Variants in FAM227B observed in about 807,000 individuals in gnomAD.
FAM227B encodes protein FAM227B.
FAM227B carries 88 observed loss-of-function variants against 73.8 expected under a neutral mutation model. The observed-to-expected ratio is 1.19, with a 90% CI of 1.00 to 1.42. The LOEUF is 1.42. FAM227B is among the 40% of genes most tolerant of loss of function. FAM227B has a pLI of 0.00. For synonymous variants in FAM227B, 210 were observed against 190.5 expected, an observed-to-expected ratio of 1.10 and a Z score of -0.84; for missense variants, 632 against 590.9, an observed-to-expected ratio of 1.07 and a Z score of -0.72.
At chr15:49,390,083 G>C (rs1377690187) in intron 11 of FAM227B, among the ~76,000 whole-genome samples, 3 of 152,064 alleles carry the variant, frequency 2.0e-5, no homozygotes, top group African/African-American at 7.2e-5. Context: ...GTTCATTGAA[G>C]ATAAGTATGA....
intron 3 of FAM227B, among the ~76,000 whole-genome samples, chr15:49,609,740 A>C (rs1413990068): frequency 6.6e-6 from 1 of 151,964 alleles, no homozygotes; most frequent in Non-Finnish European, 1.5e-5. Context: ...TTATTCCTGA[A>C]TATTTTCAAA....
At chr15:49,402,070 A>G (rs915988950) in intron 11 of FAM227B, among the ~76,000 whole-genome samples, 2 of 152,180 alleles carry the variant, frequency 1.3e-5, no homozygotes, top group African/African-American at 2.4e-5. Context: ...CACTGATTAA[A>G]TCATAGTCTC....
intron 11 of FAM227B, chr15:49,423,029 T>G: frequency 4.2e-6 from 1 of 235,630 alleles, no homozygotes; most frequent in Non-Finnish European, 8.4e-6. Flanking sequence ...TCTAACTGCT[T>G]CAGAACCAGA....
intron 10 of FAM227B, among the ~76,000 whole-genome samples, chr15:49,511,029 G>C (rs1481442482): frequency 2.6e-5 from 4 of 151,402 alleles, no homozygotes; most frequent in African/African-American, 9.7e-5. Context: ...GTGGCATACA[G>C]CAATTTTTAT....
chr15:49,491,782 TAAAC>T (rs1335942642), intron 11 of FAM227B, among the ~76,000 whole-genome samples: 2 of 151,896 alleles, frequency 1.3e-5, no homozygotes, highest in East Asian at 3.9e-4. Flanking sequence ...CTACTTCAGT[TAAAC>T]AAGCATATAT....
chr15:49,406,613 A>G (rs895777564), intron 11 of FAM227B, among the ~76,000 whole-genome samples: 9 of 151,932 alleles, frequency 5.9e-5, no homozygotes, highest in African/African-American at 2.2e-4. Flanking sequence ...AGTGCCGGCC[A>G]AGGCTCCAAC....
intron 5 of FAM227B, among the ~76,000 whole-genome samples, chr15:49,586,957 G>C (rs1346828647): frequency 6.6e-6 from 1 of 152,040 alleles, no homozygotes; most frequent in Non-Finnish European, 1.5e-5. Context: ...CAGCCACTGT[G>C]GGAAGCAGTT....
chr15:49,495,852 G>A (rs2057552890), intron 11 of FAM227B, among the ~76,000 whole-genome samples: 3 of 151,898 alleles, frequency 2.0e-5, no homozygotes, highest in African/African-American at 7.3e-5. Flanking sequence ...GAGAATCCCT[G>A]TCTCTACTAA....
chr15:49,581,597 G>A (rs750855733), intron 5 of FAM227B, among the ~76,000 whole-genome samples: 6 of 152,098 alleles, frequency 3.9e-5, no homozygotes, highest in African/African-American at 2.4e-5. Flanking sequence ...GATTACAGGC[G>A]TGAGCCACCG....
chr15:49,503,633 C>T lies in FAM227B; in HGVS notation c.1012+4578G>A, dbSNP rs558609109. 1.2e-3 allele frequency among the ~76,000 whole-genome samples: 189 copies of T among 152,236 alleles called. 1 individual carries two copies. The highest frequency in any genetic ancestry group is 6.0e-3 in the South Asian group (29 of 4,814). ...GGGCAAAGGATATGAACAGACACTT[C>T]GCAAAAGAAGACATTTATGCAGCCA... On this transcript the variant is annotated intron_variant, in intron 11 of 15. Coordinates refer to ENST00000299338, the MANE Select transcript of FAM227B (RefSeq NM_152647.3).
chr15:49,539,869 C>T (rs193074958), intron 10 of FAM227B, among the ~76,000 whole-genome samples: 2 of 152,308 alleles, frequency 1.3e-5, no homozygotes, highest in African/African-American at 4.8e-5. Context: ...GTCCCAGGTG[C>T]AGGCTAGCTT....
At chr15:49,331,973 A>C in intron 14 of FAM227B, 124 bp from the exon 15 acceptor site, 1 of 659,142 alleles carries the variant, frequency 1.5e-6, no homozygotes, top group Non-Finnish European at 2.7e-6. Context: ...TACATATATT[A>C]ATTCAATTAC....
intron 9 of FAM227B, among the ~76,000 whole-genome samples, chr15:49,563,109 C>T (rs1259460284): frequency 6.6e-6 from 1 of 152,068 alleles, no homozygotes; most frequent in African/African-American, 2.4e-5. Context: ...AAGACTCTGC[C>T]AAAAGGTCTG....
At chr15:49,476,107 C>G (rs1369206302) in intron 11 of FAM227B, among the ~76,000 whole-genome samples, 1 of 151,964 alleles carries the variant, frequency 6.6e-6, no homozygotes, top group African/African-American at 2.4e-5. Context: ...CTACCTATGT[C>G]AACTCTATTC....
At chr15:49,531,057 C>T (rs921908407) in intron 10 of FAM227B, among the ~76,000 whole-genome samples, 2 of 151,426 alleles carry the variant, frequency 1.3e-5, no homozygotes, top group African/African-American at 4.8e-5. Flanking sequence ...GGATAATACA[C>T]AGGCCACAGT....
chr15:49,442,248 C>T (rs1319653764), intron 11 of FAM227B, among the ~76,000 whole-genome samples: 1 of 151,506 alleles, frequency 6.6e-6, no homozygotes, highest in East Asian at 2.0e-4. Flanking sequence ...AGACTATAAA[C>T]ATCCATACTT....
At chr15:49,608,539 G>C (rs1185762109) in intron 3 of FAM227B, among the ~76,000 whole-genome samples, 1 of 151,996 alleles carries the variant, frequency 6.6e-6, no homozygotes, top group East Asian at 1.9e-4. Context: ...TAAGAAAAGT[G>C]ACTATTATTT....
At chr15:49,384,839 C>CT (rs1347038140) in intron 11 of FAM227B, among the ~76,000 whole-genome samples, 1 of 151,804 alleles carries the variant, frequency 6.6e-6, no homozygotes, top group Non-Finnish European at 1.5e-5. Flanking sequence ...TTTATATGTT[C>CT]TTTATAATTA....
chr15:49,352,707 A>T (rs2151312982), intron 13 of FAM227B, among the ~76,000 whole-genome samples: 1 of 152,294 alleles, frequency 6.6e-6, no homozygotes, highest in South Asian at 2.1e-4. Context: ...GAACAAATTA[A>T]AATAGCTTGG....
Sources: allele counts gnomAD v4.1 joint callset (sites outside exome capture counted in the v4.1 genomes callset), GRCh38; gene constraint gnomAD v4.1.1; transcripts MANE v1.5; gene names NCBI Gene and HGNC (gene_info 2026-07-23, HGNC 2026-07-21).